Variants in ECPAS observed in about 807,000 individuals in gnomAD.
ECPAS encodes proteasome adapter and scaffold protein ECM29.
Under a neutral mutation model 255.1 loss-of-function variants are expected in ECPAS, and 70 were observed. The observed-to-expected ratio is 0.27, with a 90% CI of 0.23 to 0.33. The LOEUF is 0.33. Among genes scored for constraint, ECPAS ranks in the 10% least tolerant of loss-of-function variants. The pLI is 1.00. For missense variants in ECPAS, 1,817 were observed against 2,206.4 expected, an observed-to-expected ratio of 0.82 and a Z score of 3.54; for synonymous variants, 784 against 775.0, an observed-to-expected ratio of 1.01 and a Z score of -0.19.
chr9:111,411,277 G>C lies in ECPAS; in HGVS notation c.2215-135C>G, dbSNP rs1207909900. 5.6e-6 allele frequency: 5 copies of C among 897,408 alleles called. No homozygotes were observed. In the East Asian group the frequency reaches 1.2e-4, roughly 22 times the overall value. The allele number at this position is 897,408 out of a possible 1,614,324, so 55.6% of individuals were successfully genotyped here. On this transcript the variant is annotated intron_variant, in intron 21 of 49. Transcript: ENST00000684092. ...CTAAAGAATAAAGTGAACACTCGAG[G>C]TTTCACTGGATGCTAATGCATCGAG... is the stretch of plus-strand genomic sequence containing the variant.
intron 22 of ECPAS, among the ~76,000 whole-genome samples, chr9:111,410,434 G>A (rs908052890): frequency 9.2e-5 from 14 of 152,064 alleles, no homozygotes; most frequent in Middle Eastern, 3.4e-3. Flanking sequence ...TCCCATAATA[G>A]GATCATCTCT....
intron 1 of ECPAS, among the ~76,000 whole-genome samples, chr9:111,478,311 G>A (rs535669655): frequency 6.7e-4 from 101 of 151,268 alleles, no homozygotes; most frequent in Non-Finnish European, 1.1e-3. Context: ...GGTGGATCAC[G>A]AGGTCAGGAG....
intron 29 of ECPAS, 61 bp from the exon 30 acceptor site, chr9:111,390,162 T>C (rs1181221208): frequency 2.0e-6 from 2 of 994,792 alleles, no homozygotes; most frequent in Non-Finnish European, 3.0e-6. Context: ...GCCTAAAAAA[T>C]TACATCATCA....
At chr9:111,376,691 C>CT (rs2131534956) in intron 36 of ECPAS, 150 bp from the exon 37 acceptor site, 1 of 645,652 alleles carries the variant, frequency 1.5e-6, no homozygotes, top group East Asian at 2.8e-5. Flanking sequence ...AAGTCTAACT[C>CT]TAATTTCTTT....
chr9:111,409,052 G>C (rs1368641211), intron 23 of ECPAS, among the ~76,000 whole-genome samples: 2 of 152,126 alleles, frequency 1.3e-5, no homozygotes, highest in Non-Finnish European at 2.9e-5. Flanking sequence ...CTGTGACTCT[G>C]TTTCCTCATG....
chr9:111,469,828 T>C (rs989657729), intron 2 of ECPAS, among the ~76,000 whole-genome samples: 10 of 151,238 alleles, frequency 6.6e-5, no homozygotes, highest in Admixed American at 1.3e-4. Flanking sequence ...AAAGACGCCA[T>C]CTCAAAAAAA....
chr9:111,370,211 G>A (rs976753587), intron 45 of ECPAS, among the ~76,000 whole-genome samples: 2 of 152,134 alleles, frequency 1.3e-5, no homozygotes, highest in Non-Finnish European at 2.9e-5. Flanking sequence ...CCTAGAAATG[G>A]CAGAGTTCAG....
intron 12 of ECPAS, among the ~76,000 whole-genome samples, chr9:111,423,686 A>G (rs139061877): frequency 2.4e-3 from 359 of 151,696 alleles, no homozygotes; most frequent in Admixed American, 4.1e-3. Context: ...AAATTGCAAT[A>G]AACTGTAGTG....
intron 45 of ECPAS, among the ~76,000 whole-genome samples, chr9:111,369,654 A>C (rs555396125): frequency 2.1e-4 from 32 of 152,338 alleles, no homozygotes; most frequent in African/African-American, 7.7e-4. Context: ...AAAGAAAACA[A>C]CTGCAATTTA....
intron 12 of ECPAS, among the ~76,000 whole-genome samples, chr9:111,424,947 A>G (rs1161251435): frequency 6.6e-6 from 1 of 152,230 alleles, no homozygotes; most frequent in Non-Finnish European, 1.5e-5. Context: ...AGGCAGGCGG[A>G]TCACCTGAGG....
intron 20 of ECPAS, among the ~76,000 whole-genome samples, chr9:111,413,293 A>C (rs532581393): frequency 3.2e-4 from 48 of 152,376 alleles, no homozygotes; most frequent in African/African-American, 1.1e-3. Flanking sequence ...ATGATAGTAC[A>C]TTCATACAAT....
intron 24 of ECPAS, among the ~76,000 whole-genome samples, chr9:111,402,150 A>G (rs1009605377): frequency 6.6e-5 from 10 of 152,222 alleles, no homozygotes; most frequent in East Asian, 1.9e-4. Context: ...AGAAATTATA[A>G]AAGTATTAAT....
intron 21 of ECPAS, 81 bp from the exon 22 acceptor site, chr9:111,411,223 T>C: frequency 7.3e-7 from 1 of 1,367,448 alleles, no homozygotes; most frequent in Non-Finnish European, 1.0e-6. Flanking sequence ...GTGTGTCGAT[T>C]AGGATCATCT....
intron 35 of ECPAS, among the ~76,000 whole-genome samples, chr9:111,380,933 AGG>A (rs1432172139): frequency 6.6e-6 from 1 of 152,254 alleles, no homozygotes; most frequent in Non-Finnish European, 1.5e-5. Flanking sequence ...CTTTGGCTGA[AGG>A]GAATTTTGTG....
At chr9:111,434,885 A>G (rs1345434123) in intron 7 of ECPAS, among the ~76,000 whole-genome samples, 1 of 138,376 alleles carries the variant, frequency 7.2e-6, no homozygotes, top group Non-Finnish European at 1.5e-5. Flanking sequence ...GGCATGAGCC[A>G]CCACATCTGG....
chr9:111,417,949 G>A lies in ECPAS; in HGVS notation c.1617C>T (p.Asn539=), dbSNP rs2098206813. ...QRVLRCLPGR[N]RKESTSEQMP... is the part of the protein sequence containing the mutation. ...TCTGCTCAGAAGTACTTTCTTTTCT[G>A]TTTCTACCTGGAAGACACCTTAATA... Residue 539 remains asparagine (N), a synonymous_variant, in exon 17 of 50, where the codon AAC becomes AAT. Coordinates refer to ENST00000684092, the MANE Select transcript of ECPAS (RefSeq NM_001364929.1). 1.9e-6 allele frequency: 3 copies of A among 1,605,120 alleles called. No individual in the cohort carries two copies. In the East Asian group the frequency reaches 6.7e-5, roughly 36 times the overall value.
chr9:111,417,877 C>A lies in ECPAS; in HGVS notation c.1683+6G>T. On this transcript the variant is annotated splice_donor_region_variant and intron_variant, in intron 17 of 49. Transcript: ENST00000684092. ...TAGACTAATTACCTTAAGTTGCATG[C>A]CATACCTTTTCTTGGATGTAATAAA... 6.4e-7 allele frequency: 1 copy of A among 1,552,244 alleles called. No homozygotes were observed. Among genetic ancestry groups the A allele is most frequent in the Non-Finnish European group, 8.7e-7 (1 of 1,148,696 alleles).
In ECPAS at chr9:111,372,471, C is replaced by G; in HGVS notation, c.4486G>C (p.Glu1496Gln). 1 of 1,613,836 alleles carries G rather than the reference C, an allele frequency of 6.2e-7. No individual in the cohort carries two copies. The highest frequency in any genetic ancestry group is 8.5e-7 in the Non-Finnish European group (1 of 1,179,774). ...IADEEKSEKEECNLWTEVWQE... is the reference protein window; with the variant it reads ...IADEEKSEKEQCNLWTEVWQE... Reference sequence around the variant, plus strand: ...CACACTTCGGTCCATAAATTACATTCTTCTTTTTCGGATTTCTCCTCATCA... The same window carrying G: ...CACACTTCGGTCCATAAATTACATTGTTCTTTTTCGGATTTCTCCTCATCA... Residue 1496 changes from glutamate to glutamine, a missense_variant, in exon 42 of 50, where the codon GAA becomes CAA. Around this residue, in one of 4 missense-constraint regions of ECPAS, gnomAD observed 960 missense variants for 1,179.0 expected, o/e 0.81. Coordinates refer to ENST00000684092, the MANE Select transcript of ECPAS (RefSeq NM_001364929.1).
chr9:111,439,483 G>A (rs970872646), intron 6 of ECPAS, among the ~76,000 whole-genome samples: 1 of 152,092 alleles, frequency 6.6e-6, no homozygotes, highest in Non-Finnish European at 1.5e-5. Context: ...TGCCCAGGCT[G>A]GTCTCAAACT....
Sources: allele counts gnomAD v4.1 joint callset (sites outside exome capture counted in the v4.1 genomes callset), GRCh38; gene constraint gnomAD v4.1.1; regional missense constraint gnomAD v4.1.1; transcripts MANE v1.5; gene names NCBI Gene and HGNC (gene_info 2026-07-23, HGNC 2026-07-21).